Variants in MPDZ observed in about 807,000 individuals in gnomAD.
MPDZ encodes the protein multiple PDZ domain crumbs cell polarity complex component, also known as multiple PDZ domain protein.
In MPDZ, 234 loss-of-function variants were observed where a neutral mutation model predicts 239.1. That is an observed-to-expected ratio of 0.98 (90% CI 0.88 to 1.09). The LOEUF is 1.09. Ranked by LOEUF, MPDZ falls within the 50% of genes least tolerant of loss-of-function variation. MPDZ has a pLI of 0.00. For synonymous variants in MPDZ, 1,048 were observed against 881.3 expected (o/e 1.19, Z -3.35); for missense variants, 3,175 against 2,510.0 (o/e 1.26, Z -5.66).
chr9:13,117,108 A>T lies in MPDZ; in HGVS notation c.5380-1774T>A, dbSNP rs529707498. Among the ~76,000 whole-genome samples, 3 of 152,310 alleles carry T rather than the reference A, an allele frequency of 2.0e-5. No homozygotes were observed. In the South Asian group the frequency reaches 6.2e-4, roughly 32 times the overall value. On this transcript the variant is annotated intron_variant, in intron 39 of 46. Coordinates refer to ENST00000319217, the MANE Select transcript of MPDZ (RefSeq NM_001378778.1). Reference sequence around the variant, plus strand: ...TATAAATTAGACATAAGAGGATAATAAAATAGAACAATTATAACAATGTGC... The same window carrying T: ...TATAAATTAGACATAAGAGGATAATTAAATAGAACAATTATAACAATGTGC...
At position 13,222,539 on chromosome 9, in the gene MPDZ, C is replaced by T; in HGVS notation, c.534-93G>A. ...CATGTATGTTCAAGTCATTTTTAAT[C>T]CTATTTTTAATTCCCACACTCTAAG... On this transcript the variant is annotated intron_variant, in intron 5 of 46. Coordinates refer to ENST00000319217, the MANE Select transcript of MPDZ (RefSeq NM_001378778.1). 4.9e-6 allele frequency: 5 copies of T among 1,016,860 alleles called. No homozygotes were observed. In the Admixed American group the frequency reaches 1.0e-4, roughly 21 times the overall value. 63.0% of individuals were successfully genotyped at this position (1,016,860 alleles called of 1,614,324 possible). A position where few individuals can be genotyped will look rare whatever the true frequency, so the allele number is the denominator to read the frequency against.
chr9:13,181,017 G>A (rs1056858631), intron 19 of MPDZ, among the ~76,000 whole-genome samples: 5 of 152,240 alleles, frequency 3.3e-5, no homozygotes, highest in Non-Finnish European at 7.4e-5. Context: ...GATTAGCACT[G>A]ATCACTTCTG....
intron 10 of MPDZ, among the ~76,000 whole-genome samples, chr9:13,208,326 C>A (rs1022888021): frequency 6.6e-6 from 1 of 151,966 alleles, no homozygotes; most frequent in Non-Finnish European, 1.5e-5. Flanking sequence ...TGATTGTAAT[C>A]CCATCTACTC....
intron 1 of MPDZ, among the ~76,000 whole-genome samples, chr9:13,255,642 T>C (rs72706386): frequency 6.6e-5 from 10 of 152,320 alleles, no homozygotes; most frequent in Non-Finnish European, 8.8e-5. Flanking sequence ...GATAACCAGA[T>C]GCCTTGTCAA....
intron 7 of MPDZ, 55 bp downstream of exon 7, chr9:13,221,317 G>C (rs1959069886): frequency 1.3e-6 from 2 of 1,488,950 alleles, no homozygotes; most frequent in Non-Finnish European, 1.8e-6. Flanking sequence ...AAATGTAAAA[G>C]ATGTACCCAT....
chr9:13,113,664 A>G (rs897168305), intron 41 of MPDZ, among the ~76,000 whole-genome samples: 20 of 152,244 alleles, frequency 1.3e-4, no homozygotes, highest in African/African-American at 4.8e-4. Flanking sequence ...GAATAAAATC[A>G]AAAACACCAA....
At chr9:13,183,886 T>C (rs1275939526) in intron 18 of MPDZ, among the ~76,000 whole-genome samples, 3 of 151,876 alleles carry the variant, frequency 2.0e-5, no homozygotes, top group African/African-American at 7.2e-5. Flanking sequence ...TTAAGAAAAA[T>C]ATTTACTTTC....
chr9:13,224,323 T>G, intron 4 of MPDZ, 51 bp downstream of exon 4: 1 of 1,431,146 alleles, frequency 7.0e-7, no homozygotes, highest in Non-Finnish European at 9.6e-7. Context: ...TTGATCACAT[T>G]CTTAAATTAC....
At chr9:13,235,866 AAAGAG>A (rs967437484) in intron 3 of MPDZ, among the ~76,000 whole-genome samples, 5 of 152,108 alleles carry the variant, frequency 3.3e-5, no homozygotes, top group African/African-American at 1.2e-4. Context: ...ACAAGGAAAT[AAAGAG>A]TATGTAAGAC....
chr9:13,162,696 A>C lies in MPDZ; in HGVS notation c.3354T>G (p.Thr1118=), dbSNP rs760917235. The C allele has an allele frequency of 6.2e-7, 1 of 1,600,282 alleles. No homozygotes were observed. Among genetic ancestry groups the C allele is most frequent in the Non-Finnish European group, 8.6e-7 (1 of 1,169,480 alleles). Residue 1118 remains threonine, a synonymous_variant, in exon 23 of 47, where the codon ACT becomes ACG. Transcript: ENST00000319217. Reference sequence around the variant, plus strand: ...AGATTTAATGTTTCACTTACCTGCCAGTGTATGAAGAAAAAATATCCAGTG... The same window carrying C: ...AGATTTAATGTTTCACTTACCTGCCCGTGTATGAAGAAAAAATATCCAGTG... ...VMALDIFSSY[T]GRDIPELPER... is the part of the protein sequence containing the mutation.
chr9:13,168,664 C>G, intron 21 of MPDZ, 100 bp from the exon 22 acceptor site: 1 of 930,994 alleles, frequency 1.1e-6, no homozygotes, highest in Non-Finnish European at 1.5e-6. Context: ...TTAAAAAATA[C>G]AAGTAACATT....
intron 28 of MPDZ, 75 bp from the exon 29 acceptor site, chr9:13,138,228 T>C: frequency 1.3e-5 from 18 of 1,360,576 alleles, no homozygotes; most frequent in Non-Finnish European, 1.7e-5. Flanking sequence ...GAAAGCTATT[T>C]AGTTTTACCT....
At position 13,279,596 on chromosome 9, in the gene MPDZ, C is replaced by G. The variant is rs1975228233; in HGVS notation, c.-254G>C. ...TGAGAAACTTAATCCCGCGGTGGCC[C>G]GACGCCAGCCTAGCGCTCCGCCGCG... On this transcript the variant is annotated 5_prime_UTR_variant, in exon 1 of 47. Coordinates refer to ENST00000319217, the MANE Select transcript of MPDZ (RefSeq NM_001378778.1). 2 of 149,594 alleles carry G rather than the reference C, an allele frequency of 1.3e-5. No homozygotes were observed. Among genetic ancestry groups the G allele is most frequent in the African/African-American group, 2.4e-5 (1 of 41,174 alleles). 9.3% of individuals were successfully genotyped at this position (149,594 alleles called of 1,614,324 possible). A position where few individuals can be genotyped will look rare whatever the true frequency, so the allele number is the denominator to read the frequency against.
intron 12 of MPDZ, among the ~76,000 whole-genome samples, chr9:13,198,790 G>A (rs1240922892): frequency 1.7e-5 from 1 of 59,380 alleles, no homozygotes; most frequent in Admixed American, 2.0e-4. Context: ...TGTGTTTTAG[G>A]ACAGGCCTTT....
chr9:13,233,886 T>C (rs890309478), intron 3 of MPDZ, among the ~76,000 whole-genome samples: 1 of 152,134 alleles, frequency 6.6e-6, no homozygotes, highest in Non-Finnish European at 1.5e-5. Flanking sequence ...TCTACCACTG[T>C]GATGTGTGGC....
intron 1 of MPDZ, among the ~76,000 whole-genome samples, chr9:13,253,969 C>T (rs1329118473): frequency 6.6e-6 from 1 of 152,184 alleles, no homozygotes; most frequent in Non-Finnish European, 1.5e-5. Context: ...TTGTCTAAGG[C>T]CACATCGCTA....
At chr9:13,236,267 A>ATATATATATATAT in intron 3 of MPDZ, among the ~76,000 whole-genome samples, 1 of 20,102 alleles carries the variant, frequency 5.0e-5, no homozygotes, top group African/African-American at 1.8e-4. Flanking sequence ...ATATATATAT[A>ATATATATATATAT]TTTTTTTTTT....
intron 22 of MPDZ, chr9:13,165,248 T>C: frequency 1.0e-6 from 1 of 952,518 alleles, no homozygotes; most frequent in South Asian, 1.9e-5. Flanking sequence ...CTAAAATGTA[T>C]ATACAAAATC....
At chr9:13,209,365 G>C (rs549428148) in intron 10 of MPDZ, among the ~76,000 whole-genome samples, 61 of 152,268 alleles carry the variant, frequency 4.0e-4, no homozygotes, top group Non-Finnish European at 7.1e-4. Flanking sequence ...AAATCCCCCA[G>C]TGTGATCCTC....
Sources: gnomAD v4.1 joint callset for allele counts (sites outside exome capture counted in the v4.1 genomes callset) on GRCh38, gnomAD v4.1.1 for gene constraint, MANE v1.5 for transcripts, NCBI Gene and HGNC (gene_info 2026-07-23, HGNC 2026-07-21) for gene names.